The following MDGA2 variants were observed in gnomAD, a reference collection of about 807,000 sequenced individuals.
The protein encoded by MDGA2 is MAM domain-containing glycosylphosphatidylinositol anchor protein 2.
Under a neutral mutation model 117.8 loss-of-function variants are expected in MDGA2, and 40 were observed. That is an observed-to-expected ratio of 0.34 (90% CI 0.26 to 0.44). MDGA2 has a LOEUF of 0.44. MDGA2 is among the 20% of genes least tolerant of loss of function. The pLI is 1.00. For synonymous variants in MDGA2, 452 were observed against 439.0 expected (o/e 1.03, Z -0.37); for missense variants, 1,123 against 1,250.6 (o/e 0.90, Z 1.54).
rs1278924224 is a variant in MDGA2, at chr14:47,637,396, G to A, written c.280+37121C>T. Among the ~76,000 whole-genome samples the A allele has an allele frequency of 4.6e-5, 7 of 152,138 alleles. No individual in the cohort carries two copies. The South Asian group carries it at 8.3e-4, about 18-fold the overall frequency. ...AAATTATTTAAAATAACTAAATTCC[G>A]CATAAATATAAGAAAATGAATTTGA... On this transcript the variant is annotated intron_variant, in intron 1 of 16. Coordinates refer to ENST00000399232, the MANE Select transcript of MDGA2 (RefSeq NM_001113498.3).
chr14:47,595,552 A>C (rs57753638), intron 1 of MDGA2, among the ~76,000 whole-genome samples: 4,216 of 74,472 alleles, frequency 0.057, 193 homozygotes, highest in African/African-American at 0.26. Context: ...AAAAACAAAA[A>C]AAAACAAAAA....
At chr14:46,886,228 T>C (rs1293612144) in intron 10 of MDGA2, among the ~76,000 whole-genome samples, 2 of 152,138 alleles carry the variant, frequency 1.3e-5, no homozygotes, top group Non-Finnish European at 2.9e-5. Flanking sequence ...AGTATATTCA[T>C]CGCATAGAAA....
At chr14:47,627,747 G>T (rs1314213377) in intron 1 of MDGA2, among the ~76,000 whole-genome samples, 1 of 152,148 alleles carries the variant, frequency 6.6e-6, no homozygotes, top group East Asian at 1.9e-4. Flanking sequence ...CTTCCACATT[G>T]TGGAAGCTTT....
chr14:47,414,099 A>C (rs954060084), intron 1 of MDGA2, among the ~76,000 whole-genome samples: 6 of 152,162 alleles, frequency 3.9e-5, no homozygotes, highest in Admixed American at 6.6e-5. Context: ...CTCAGGAATT[A>C]AGGGACATAT....
intron 10 of MDGA2, among the ~76,000 whole-genome samples, chr14:46,905,516 G>A (rs1445827983): frequency 6.6e-6 from 1 of 152,086 alleles, no homozygotes; most frequent in African/African-American, 2.4e-5. Flanking sequence ...AGTAAACAAT[G>A]CACATATTGA....
chr14:47,231,956 G>T (rs1390850194), intron 2 of MDGA2, among the ~76,000 whole-genome samples: 1 of 152,016 alleles, frequency 6.6e-6, no homozygotes, highest in African/African-American at 2.4e-5. Context: ...AAGATCAAAT[G>T]GGTTATGGGG....
chr14:47,345,554 G>A (rs1231570236), intron 1 of MDGA2, among the ~76,000 whole-genome samples: 3 of 151,870 alleles, frequency 2.0e-5, no homozygotes, highest in Non-Finnish European at 4.4e-5. Context: ...CAACTATCTA[G>A]TGCCTGTACA....
At chr14:47,641,287 T>A (rs1302215001) in intron 1 of MDGA2, among the ~76,000 whole-genome samples, 2 of 151,782 alleles carry the variant, frequency 1.3e-5, no homozygotes, top group Non-Finnish European at 2.9e-5. Context: ...GGTTCCTTAG[T>A]CAAGTATATG....
intron 9 of MDGA2, 150 bp from the exon 10 acceptor site, chr14:46,920,310 T>A: frequency 2.8e-6 from 2 of 706,550 alleles, no homozygotes; most frequent in Non-Finnish European, 4.3e-6. Context: ...TGAGAACAGA[T>A]GTGAGATTTC....
intron 8 of MDGA2, among the ~76,000 whole-genome samples, chr14:46,989,292 C>G (rs183041557): frequency 8.6e-5 from 13 of 151,626 alleles, no homozygotes; most frequent in African/African-American, 3.1e-4. Context: ...GAACTCCCCC[C>G]ACACATATCA....
chr14:47,300,256 T>C (rs946183385), intron 2 of MDGA2, among the ~76,000 whole-genome samples: 1 of 152,206 alleles, frequency 6.6e-6, no homozygotes, highest in Admixed American at 6.5e-5. Context: ...ACTTAAAATA[T>C]GTAATTTTGT....
chr14:47,540,432 G>A (rs1220252694), intron 1 of MDGA2, among the ~76,000 whole-genome samples: 1 of 151,162 alleles, frequency 6.6e-6, no homozygotes, highest in Non-Finnish European at 1.5e-5. Context: ...TTTCTCTTAA[G>A]CATTTATCAC....
chr14:47,009,835 G>A (rs936215889), intron 8 of MDGA2, among the ~76,000 whole-genome samples: 3 of 151,998 alleles, frequency 2.0e-5, no homozygotes, highest in South Asian at 2.1e-4. Context: ...CACCCCTTGC[G>A]TCCGAGCTGT....
chr14:47,452,351 A>G (rs1893259459), intron 1 of MDGA2, among the ~76,000 whole-genome samples: 1 of 152,140 alleles, frequency 6.6e-6, no homozygotes, highest in South Asian at 2.1e-4. Context: ...AATGTGAATA[A>G]AGGTAACAAT....
At chr14:47,520,380 A>C (rs1331663711) in intron 1 of MDGA2, among the ~76,000 whole-genome samples, 1 of 152,212 alleles carries the variant, frequency 6.6e-6, no homozygotes, top group Non-Finnish European at 1.5e-5. Flanking sequence ...ATCCAAAAGC[A>C]CAGTTGCTGC....
At chr14:47,055,897 C>A (rs1335702673) in intron 7 of MDGA2, among the ~76,000 whole-genome samples, 1 of 152,066 alleles carries the variant, frequency 6.6e-6, no homozygotes, top group Non-Finnish European at 1.5e-5. Context: ...GTTTGCCAGT[C>A]TCTGATGTCC....
intron 5 of MDGA2, among the ~76,000 whole-genome samples, chr14:47,121,447 C>T (rs1034641599): frequency 6.6e-6 from 1 of 151,766 alleles, no homozygotes; most frequent in African/African-American, 2.4e-5. Flanking sequence ...CAACTATTGA[C>T]AAAATTTTGG....
chr14:46,934,926 G>T (rs1884722099), intron 9 of MDGA2, among the ~76,000 whole-genome samples: 1 of 152,000 alleles, frequency 6.6e-6, no homozygotes, highest in Admixed American at 6.6e-5. Context: ...TCACAGTTAA[G>T]GCTCTGGGTC....
intron 1 of MDGA2, chr14:47,342,893 G>A (rs556132452): frequency 2.4e-6 from 1 of 415,558 alleles, no homozygotes; most frequent in Non-Finnish European, 4.7e-6. Flanking sequence ...GGGGAAAAAA[G>A]AGGAAAGGAA....
Sources: allele counts gnomAD v4.1 joint callset (sites outside exome capture counted in the v4.1 genomes callset), GRCh38; gene constraint gnomAD v4.1.1; transcripts MANE v1.5; gene names NCBI Gene and HGNC (gene_info 2026-07-23, HGNC 2026-07-21).